The following IGSF21 variants were observed in gnomAD, a reference collection of about 807,000 sequenced individuals.
IGSF21 encodes immunoglobulin superfamily member 21.
Under a neutral mutation model 46.8 loss-of-function variants are expected in IGSF21, and 28 were observed. That is an observed-to-expected ratio of 0.60 (90% confidence interval 0.44 to 0.82). IGSF21 has a LOEUF of 0.82. Among genes scored for constraint, IGSF21 ranks in the 40% least tolerant of loss-of-function variants. The pLI, the probability that IGSF21 is intolerant of heterozygous loss-of-function variation, is 0.00. For missense variants in IGSF21, 624 were observed against 665.5 expected (o/e 0.94, Z 0.69); for synonymous variants, 284 against 273.6 (o/e 1.04, Z -0.38).
At chr1:18,359,383 A>AAAGAAAGAAAGAAAGAAAGAAAGG (rs1557659626) in intron 4 of IGSF21, among the ~76,000 whole-genome samples, 4 of 61,098 alleles carry the variant, frequency 6.5e-5, no homozygotes, top group Admixed American at 3.7e-4. Context: ...AGAAAGAAAG[A>AAAGAAAGAAAGAAAGAAAGAAAGG]AAGGAAGGAA....
intron 1 of IGSF21, among the ~76,000 whole-genome samples, chr1:18,179,602 C>T (rs765100870): frequency 6.6e-6 from 1 of 151,992 alleles, no homozygotes; most frequent in Non-Finnish European, 1.5e-5. Flanking sequence ...GCCCTGGGCA[C>T]GGTCCCTACT....
At chr1:18,307,658 A>G (rs1273010178) in intron 3 of IGSF21, among the ~76,000 whole-genome samples, 1 of 152,186 alleles carries the variant, frequency 6.6e-6, no homozygotes, top group African/African-American at 2.4e-5. Flanking sequence ...GGGATGCGCA[A>G]TCCCCATCAC....
chr1:18,341,141 T>TG (rs1443369002), intron 4 of IGSF21, among the ~76,000 whole-genome samples: 3 of 150,690 alleles, frequency 2.0e-5, no homozygotes, highest in Non-Finnish European at 4.4e-5. Context: ...TTTTTTTTTT[T>TG]TGTGTGTGTG....
At position 18,334,435 on chromosome 1, in the gene IGSF21, G is replaced by C. The variant is rs1330667928; in HGVS notation, c.306-457G>C. Among the ~76,000 whole-genome samples, 2 of 152,178 alleles carry C rather than the reference G, an allele frequency of 1.3e-5. No individual in the cohort carries two copies. Among genetic ancestry groups the C allele is most frequent in the African/African-American group, 2.4e-5 (1 of 41,444 alleles). On this transcript the variant is annotated intron_variant, in intron 3 of 9. Transcript: ENST00000251296. The surrounding 1 kb of genome is among the most constrained non-coding windows in gnomAD (Gnocchi z 4.3). ...CAATTGAGTTCCGTCCTGAGCCTCA[G>C]TTTCCTTGTTTATGAAATGGGAATA...
intron 3 of IGSF21, among the ~76,000 whole-genome samples, chr1:18,312,897 C>T (rs77613121): frequency 0.035 from 5,364 of 152,294 alleles, 315 homozygotes; most frequent in African/African-American, 0.12. Flanking sequence ...TCCAAGTTTG[C>T]TTCCTCTGTT....
At chr1:18,190,063 T>C (rs1244359864) in intron 1 of IGSF21, among the ~76,000 whole-genome samples, 1 of 152,192 alleles carries the variant, frequency 6.6e-6, no homozygotes, top group African/African-American at 2.4e-5. Context: ...ACAGAGACCC[T>C]GCTCACAGCT....
chr1:18,118,819 G>C (rs2086209329), intron 1 of IGSF21, among the ~76,000 whole-genome samples: 2 of 152,094 alleles, frequency 1.3e-5, no homozygotes, highest in Non-Finnish European at 2.9e-5. Flanking sequence ...TCATTCCCAG[G>C]CCAGTCTGGC....
chr1:18,257,214 A>T (rs2084901220), intron 2 of IGSF21, among the ~76,000 whole-genome samples: 1 of 152,140 alleles, frequency 6.6e-6, no homozygotes, highest in Non-Finnish European at 1.5e-5. Flanking sequence ...TTTCATCTCC[A>T]CATTCCTTTT....
intron 1 of IGSF21, among the ~76,000 whole-genome samples, chr1:18,165,707 T>C (rs1284356116): frequency 6.6e-6 from 1 of 152,242 alleles, no homozygotes; most frequent in Non-Finnish European, 1.5e-5. Flanking sequence ...CTAGCCGTAA[T>C]AAAGAAATCA....
chr1:18,378,312 C>T lies in IGSF21; in HGVS notation c.1390C>T (p.Leu464=). ...CTTGGTGCTCGCCCTGACAGTGATT[C>T]TGGAGCTGACGTGAAGGCACCCGCC... The part of the protein sequence containing the change: ...LTLVLALTVI[L]ELT Residue 464 remains leucine, a synonymous_variant, in exon 10 of 10, where the codon CTG becomes TTG. Transcript: ENST00000251296. 1 of 1,613,792 alleles carries T rather than the reference C, an allele frequency of 6.2e-7. No homozygotes were observed. Among genetic ancestry groups the T allele is most frequent in the Non-Finnish European group, 8.5e-7 (1 of 1,179,838 alleles).
intron 2 of IGSF21, among the ~76,000 whole-genome samples, chr1:18,238,305 A>G (rs1004054438): frequency 2.6e-5 from 4 of 152,058 alleles, no homozygotes; most frequent in Admixed American, 2.6e-4. Context: ...GCAGTGGGGA[A>G]TGGGGGTGAG....
At chr1:18,176,662 C>T (rs978669073) in intron 1 of IGSF21, among the ~76,000 whole-genome samples, 1 of 152,230 alleles carries the variant, frequency 6.6e-6, no homozygotes, top group African/African-American at 2.4e-5. Flanking sequence ...CTGTGACCTT[C>T]TTCCCACCAT....
At chr1:18,139,658 G>A (rs1347011440) in intron 1 of IGSF21, among the ~76,000 whole-genome samples, 2 of 152,236 alleles carry the variant, frequency 1.3e-5, no homozygotes, top group Admixed American at 6.5e-5. Flanking sequence ...CGTGTTGGGT[G>A]TGTGACCTAG....
intron 2 of IGSF21, among the ~76,000 whole-genome samples, chr1:18,269,132 A>G (rs1202787331): frequency 6.6e-6 from 1 of 152,208 alleles, no homozygotes; most frequent in African/African-American, 2.4e-5. Flanking sequence ...GTGAGGCTGC[A>G]GCAGCTTTGC....
Position 18,247,611 on chromosome 1 carries a change from C to A in IGSF21, c.183+19601C>A, listed in dbSNP as rs543040529. On this transcript the variant is annotated intron_variant, in intron 2 of 9. Transcript: ENST00000251296. ...CTTATCTGCAAAATGAGAGAAGTAA[C>A]GCCCCTGGATGGGGTATCGCAGGGA... Among the ~76,000 whole-genome samples, 56 of 152,100 alleles carry A rather than the reference C, an allele frequency of 3.7e-4. 1 individual carries two copies. Among genetic ancestry groups the A allele is most frequent in the Non-Finnish European group, 6.0e-4 (41 of 68,018 alleles).
chr1:18,138,193 G>C (rs750275300), intron 1 of IGSF21, among the ~76,000 whole-genome samples: 3 of 152,168 alleles, frequency 2.0e-5, no homozygotes, highest in Non-Finnish European at 4.4e-5. Context: ...GGAGCCCCAA[G>C]CATGGGCTAC....
intron 2 of IGSF21, among the ~76,000 whole-genome samples, chr1:18,257,733 G>T (rs2084905261): frequency 6.6e-6 from 1 of 152,220 alleles, no homozygotes; most frequent in Non-Finnish European, 1.5e-5. Context: ...CAACCTGGAG[G>T]ATTTAGCCCA....
intron 1 of IGSF21, among the ~76,000 whole-genome samples, chr1:18,124,760 C>G (rs1003722500): frequency 2.6e-5 from 4 of 152,332 alleles, no homozygotes; most frequent in African/African-American, 9.6e-5. Flanking sequence ...CTAAAAGCTT[C>G]CCGCAGACAA....
At chr1:18,356,851 G>A (rs1280923025) in intron 4 of IGSF21, among the ~76,000 whole-genome samples, 1 of 152,186 alleles carries the variant, frequency 6.6e-6, no homozygotes, top group African/African-American at 2.4e-5. Flanking sequence ...ATGGAGGTGG[G>A]ATAGAGATGG....
Sources: gnomAD v4.1 joint callset for allele counts (sites outside exome capture counted in the v4.1 genomes callset) on GRCh38, gnomAD v4.1.1 for gene constraint, Gnocchi (gnomAD v3.1) non-coding constraint, MANE v1.5 for transcripts, NCBI Gene and HGNC (gene_info 2026-07-23, HGNC 2026-07-21) for gene names.